Variants in ACCSL observed in about 807,000 individuals in gnomAD.
The protein encoded by ACCSL is probable inactive 1-aminocyclopropane-1-carboxylate synthase-like protein 2.
ACCSL carries 55 observed loss-of-function variants against 61.7 expected under a neutral mutation model. The observed-to-expected ratio is 0.89, with a 90% confidence interval of 0.72 to 1.12. The LOEUF (loss-of-function observed/expected upper bound fraction) is 1.12, where lower values mean the gene tolerates loss of function less well. ACCSL is among the 50% of genes most tolerant of loss of function. The pLI, the probability that ACCSL is intolerant of heterozygous loss-of-function variation, is 0.00. For synonymous variants in ACCSL, 258 were observed against 264.3 expected, an observed-to-expected ratio of 0.98 and a Z score of 0.23; for missense variants, 632 against 698.0, an observed-to-expected ratio of 0.91 and a Z score of 1.07.
chr11:43,962,095 CCCCTCCCTCTCT>C, the ACCSL span, among the ~76,000 whole-genome samples: 3 of 152,100 alleles, frequency 2.0e-5, no homozygotes, highest in African/African-American at 7.2e-5. Flanking sequence ...AACATCTCTC[CCCCTCCCTCTCT>C]CCCTCCCTCT....
the ACCSL span, among the ~76,000 whole-genome samples, chr11:43,989,786 C>A: frequency 3.3e-5 from 5 of 152,260 alleles, no homozygotes; most frequent in Non-Finnish European, 7.3e-5. Context: ...CTGCCAGCAT[C>A]TCCAGCTTAC....
chr11:44,035,696 G>C, the ACCSL span, among the ~76,000 whole-genome samples: 1 of 152,100 alleles, frequency 6.6e-6, no homozygotes, highest in African/African-American at 2.4e-5. Flanking sequence ...TCAGCGCTTT[G>C]GGAGGGCGAG....
the ACCSL span, among the ~76,000 whole-genome samples, chr11:43,996,979 A>AT: frequency 6.6e-6 from 1 of 151,722 alleles, no homozygotes; most frequent in African/African-American, 2.4e-5. Context: ...CTCCTGGCTA[A>AT]TTTTTTTATT....
the ACCSL span, among the ~76,000 whole-genome samples, chr11:43,971,081 T>C: frequency 2.0e-5 from 3 of 152,100 alleles, no homozygotes; most frequent in Non-Finnish European, 4.4e-5. Flanking sequence ...GTCTGTAATT[T>C]CAGCACTTTG....
the ACCSL span, among the ~76,000 whole-genome samples, chr11:43,970,536 T>C: frequency 7.2e-5 from 11 of 152,308 alleles, no homozygotes; most frequent in South Asian, 4.2e-4. Context: ...TACGTCTCAT[T>C]CCTCATCAAA....
chr11:44,011,293 G>A, the ACCSL span, among the ~76,000 whole-genome samples: 1 of 152,190 alleles, frequency 6.6e-6, no homozygotes, highest in African/African-American at 2.4e-5. Context: ...GCTGGCTCCA[G>A]TACTTCTCCC....
chr11:43,927,533 A>G, the ACCSL span, among the ~76,000 whole-genome samples: 1 of 152,126 alleles, frequency 6.6e-6, no homozygotes, highest in African/African-American at 2.4e-5. Context: ...TTTTATCTCC[A>G]TTTTACAGTT....
chr11:44,015,045 TCA>T, the ACCSL span, among the ~76,000 whole-genome samples: 1 of 152,204 alleles, frequency 6.6e-6, no homozygotes, highest in African/African-American at 2.4e-5. Flanking sequence ...GCTGCCATAA[TCA>T]CAGGCATGCA....
chr11:44,053,391 T>G lies in ACCSL; in HGVS notation c.949-15T>G. Reference sequence around the variant, plus strand: ...AGGACTTGTATTCACTCAGTTATATTTGGGTTTTTCTTAGGGGAAAAAGGT... The same window carrying G: ...AGGACTTGTATTCACTCAGTTATATGTGGGTTTTTCTTAGGGGAAAAAGGT... On this transcript the variant is annotated splice_polypyrimidine_tract_variant and intron_variant, in intron 7 of 13. Transcript: ENST00000378832. 6.2e-7 allele frequency: 1 copy of G among 1,610,822 alleles called. No homozygotes were observed. The highest frequency in any genetic ancestry group is 8.5e-7 in the Non-Finnish European group (1 of 1,177,012).
the ACCSL span, among the ~76,000 whole-genome samples, chr11:44,001,470 G>T: frequency 2.0e-5 from 3 of 152,026 alleles, no homozygotes; most frequent in African/African-American, 7.3e-5. Flanking sequence ...TACAATTATT[G>T]AAATTGGGAA....
chr11:44,053,573 T>A, intron 8 of ACCSL, 67 bp downstream of exon 8: 1 of 1,445,670 alleles, frequency 6.9e-7, no homozygotes, highest in Non-Finnish European at 9.7e-7. Flanking sequence ...TATAGTCAAG[T>A]AATCAAGAGC....
the ACCSL span, among the ~76,000 whole-genome samples, chr11:44,009,369 G>A: frequency 6.6e-6 from 1 of 152,146 alleles, no homozygotes; most frequent in Admixed American, 6.5e-5. Context: ...TCAGTTCCTT[G>A]GGCCTAGCCT....
the ACCSL span, among the ~76,000 whole-genome samples, chr11:43,959,688 A>T: frequency 6.6e-6 from 1 of 152,160 alleles, no homozygotes; most frequent in Non-Finnish European, 1.5e-5. Context: ...GGGCCCTCCC[A>T]GCTTTAAGTC....
intron 7 of ACCSL, 109 bp from the exon 8 acceptor site, chr11:44,053,297 G>C: frequency 9.1e-7 from 1 of 1,096,556 alleles, no homozygotes; most frequent in Non-Finnish European, 1.3e-6. Context: ...GCTGCTTCAA[G>C]ACCCTACCTA....
the ACCSL span, among the ~76,000 whole-genome samples, chr11:43,994,180 T>C: frequency 6.6e-6 from 1 of 152,270 alleles, no homozygotes. Flanking sequence ...ATTTCTTTTA[T>C]TCACTTAACT....
In ACCSL at chr11:44,048,265, C is replaced by A; in HGVS notation, c.229C>A (p.Arg77=). The change falls in exon 1 of 14, where the codon CGG becomes AGG. Residue 77 remains arginine, a synonymous_variant. Coordinates refer to ENST00000378832, the MANE Select transcript of ACCSL (RefSeq NM_001031854.2). ...AGCCCTTCTGAGTCGCTTAATATGC[C>A]GGATGATCAACCTCCTACAGTCTGG... is the stretch of plus-strand genomic sequence containing the variant. ...HEALLSRLIC[R]MINLLQSGAA... is the part of the protein sequence containing the mutation. The A allele has an allele frequency of 6.2e-7, 1 of 1,614,086 alleles. No homozygotes were observed.
At chr11:43,996,257 C>A in the ACCSL span, among the ~76,000 whole-genome samples, 1 of 152,184 alleles carries the variant, frequency 6.6e-6, no homozygotes, top group African/African-American at 2.4e-5. Flanking sequence ...TTTTAGCAAT[C>A]CCAGGAAATG....
chr11:43,938,574 C>T, the ACCSL span, among the ~76,000 whole-genome samples: 2 of 152,008 alleles, frequency 1.3e-5, no homozygotes, highest in African/African-American at 4.8e-5. Context: ...GAGGCTGAGG[C>T]AGGTGGATCA....
upstream of ACCSL, among the ~76,000 whole-genome samples, chr11:44,044,042 A>C (rs1262069552): frequency 6.6e-6 from 1 of 152,218 alleles, no homozygotes; most frequent in Non-Finnish European, 1.5e-5. Flanking sequence ...TGCTGGACAC[A>C]ATATTTTAAA....
Sources: gnomAD v4.1 joint callset for allele counts (sites outside exome capture counted in the v4.1 genomes callset) on GRCh38, gnomAD v4.1.1 for gene constraint, MANE v1.5 for transcripts, NCBI Gene and HGNC (gene_info 2026-07-23, HGNC 2026-07-21) for gene names.